PIK3C2G: variants seen among roughly 807,000 people sequenced by gnomAD.
PIK3C2G encodes the protein phosphatidylinositol-4-phosphate 3-kinase catalytic subunit type 2 gamma.
PIK3C2G carries 168 observed loss-of-function variants against 181.1 expected under a neutral mutation model. The ratio of observed to expected loss-of-function variants is 0.93; its 90% CI spans 0.82 to 1.05. PIK3C2G has a LOEUF of 1.05. Among genes scored for constraint, PIK3C2G ranks in the 50% least tolerant of loss-of-function variants. PIK3C2G has a pLI of 0.00. For synonymous variants in PIK3C2G, 573 were observed against 592.2 expected (o/e 0.97, Z 0.47); for missense variants, 1,869 against 1,732.8 (o/e 1.08, Z -1.40).
intron 24 of PIK3C2G, among the ~76,000 whole-genome samples, chr12:18,510,685 A>G (rs925899212): frequency 3.3e-5 from 5 of 152,108 alleles, no homozygotes; most frequent in African/African-American, 7.2e-5. Context: ...GAGACAGACT[A>G]TGTGTTTTTG....
chr12:18,364,353 T>A (rs1941486861), intron 12 of PIK3C2G, among the ~76,000 whole-genome samples: 1 of 152,186 alleles, frequency 6.6e-6, no homozygotes, highest in African/African-American at 2.4e-5. Flanking sequence ...ATCTTTTACC[T>A]CCTGTATAAA....
chr12:18,571,672 T>C (rs1945949801), intron 29 of PIK3C2G, among the ~76,000 whole-genome samples: 1 of 150,982 alleles, frequency 6.6e-6, no homozygotes, highest in Non-Finnish European at 1.5e-5. Flanking sequence ...CCAAGCCAGC[T>C]TTATTTTGGC....
At chr12:18,620,432 T>TA (rs1414627729) in intron 31 of PIK3C2G, among the ~76,000 whole-genome samples, 2 of 152,144 alleles carry the variant, frequency 1.3e-5, no homozygotes, top group Non-Finnish European at 2.9e-5. Context: ...TAGCATGGTA[T>TA]AGCTTTTCTA....
At chr12:18,391,692 T>C (rs1943542093) in intron 15 of PIK3C2G, among the ~76,000 whole-genome samples, 1 of 151,994 alleles carries the variant, frequency 6.6e-6, no homozygotes, top group South Asian at 2.1e-4. Flanking sequence ...GACTAAGGAG[T>C]ACTTTGTAAA....
At chr12:18,431,914 A>G (rs1234727575) in intron 18 of PIK3C2G, among the ~76,000 whole-genome samples, 1 of 152,152 alleles carries the variant, frequency 6.6e-6, no homozygotes. Flanking sequence ...CTTAAACCAA[A>G]AGCAACTGTT....
chr12:18,336,227 T>G (rs901627658), intron 8 of PIK3C2G, among the ~76,000 whole-genome samples: 1 of 152,118 alleles, frequency 6.6e-6, no homozygotes, highest in Non-Finnish European at 1.5e-5. Flanking sequence ...TTACAGAAAC[T>G]TATTTATTGT....
intron 1 of PIK3C2G, among the ~76,000 whole-genome samples, chr12:18,255,293 TA>T (rs1477652276): frequency 2.6e-5 from 4 of 151,150 alleles, no homozygotes; most frequent in African/African-American, 9.7e-5. Context: ...AAAAAAGAAA[TA>T]GTTTGAGTCT....
chr12:18,280,152 C>G (rs1010818769), intron 1 of PIK3C2G, among the ~76,000 whole-genome samples: 1 of 151,864 alleles, frequency 6.6e-6, no homozygotes, highest in African/African-American at 2.4e-5. Context: ...CATTTTTCTC[C>G]TAACTAAAGT....
intron 32 of PIK3C2G, among the ~76,000 whole-genome samples, chr12:18,644,089 A>C (rs1949989632): frequency 6.6e-6 from 1 of 152,106 alleles, no homozygotes; most frequent in Non-Finnish European, 1.5e-5. Context: ...AAAGTGACAG[A>C]GTCTCCACCC....
chr12:18,647,910 A>G lies in PIK3C2G; in HGVS notation c.4343A>G (p.His1448Arg). ...VYDEVTELQG[H>R]VLMLIVKSKT... The stretch of plus-strand genomic sequence containing the variant: ...GATGAAGTCACAGAGCTCCAAGGAC[A>G]TGTCTTAATGCTTATTGTGAAGAGT... Residue 1448 changes from histidine (H) to arginine (R), a missense_variant, in exon 33 of 33, where the codon CAT (histidine) becomes CGT (arginine). By Grantham distance (29) the His-to-Arg change is conservative (BLOSUM62 0). Coordinates refer to ENST00000538779, the MANE Select transcript of PIK3C2G (RefSeq NM_001288772.2). The G allele has an allele frequency of 6.3e-7, 1 of 1,590,552 alleles. No individual in the cohort carries two copies. Among genetic ancestry groups the G allele is most frequent in the Non-Finnish European group, 8.6e-7 (1 of 1,166,132 alleles).
chr12:18,427,390 T>G (rs1592232761), intron 18 of PIK3C2G, among the ~76,000 whole-genome samples: 1 of 149,918 alleles, frequency 6.7e-6, no homozygotes, highest in Non-Finnish European at 1.5e-5. Context: ...GCCTGTAATC[T>G]CAGCTACTCA....
Position 18,393,532 on chromosome 12 carries a change from G to GA in PIK3C2G, c.2126+2289dup, listed in dbSNP as rs200334101. ...GTGATATTTGTAAAAAATAAAAATT[G>GA]AAAAAAAAACTTCTTGATGTCAACC... On this transcript the variant is annotated intron_variant, in intron 15 of 32. Coordinates refer to ENST00000538779, the MANE Select transcript of PIK3C2G (RefSeq NM_001288772.2). 3.8e-3 allele frequency among the ~76,000 whole-genome samples: 573 copies of GA among 149,834 alleles called. 2 individuals carry two copies. The highest frequency in any genetic ancestry group is 0.012 in the African/African-American group (488 of 40,892).
the PIK3C2G span, among the ~76,000 whole-genome samples, chr12:18,703,717 A>G: frequency 1.2e-4 from 19 of 152,208 alleles, no homozygotes; most frequent in Non-Finnish European, 1.5e-5. Flanking sequence ...TTTTGCCTGT[A>G]TAAAACAATT....
chr12:18,630,081 C>A (rs748598397), intron 31 of PIK3C2G, among the ~76,000 whole-genome samples: 3 of 151,938 alleles, frequency 2.0e-5, no homozygotes, highest in Admixed American at 6.6e-5. Context: ...AAGAAAGGAA[C>A]ATTATGAAGG....
the PIK3C2G span, among the ~76,000 whole-genome samples, chr12:18,664,017 T>C: frequency 1.3e-5 from 2 of 152,122 alleles, no homozygotes; most frequent in Non-Finnish European, 1.5e-5. Flanking sequence ...TCACTAATCA[T>C]TGAAAATGCA....
intron 5 of PIK3C2G, among the ~76,000 whole-genome samples, chr12:18,295,802 A>T (rs964352566): frequency 6.6e-6 from 1 of 151,980 alleles, no homozygotes; most frequent in African/African-American, 2.4e-5. Context: ...GACAGAACTT[A>T]TTTTAATGTG....
intron 23 of PIK3C2G, among the ~76,000 whole-genome samples, chr12:18,503,806 T>C (rs1941656321): frequency 6.6e-6 from 1 of 152,244 alleles, no homozygotes; most frequent in Non-Finnish European, 1.5e-5. Flanking sequence ...ATTTTCTTAA[T>C]GGTTTGCAAA....
At chr12:18,248,876 C>T (rs535058970) in intron 1 of PIK3C2G, among the ~76,000 whole-genome samples, 2 of 152,174 alleles carry the variant, frequency 1.3e-5, no homozygotes, top group South Asian at 4.1e-4. Context: ...TGTACTACTT[C>T]CAGGCATGAT....
At chr12:18,390,514 G>GA (rs1943467110) in intron 14 of PIK3C2G, among the ~76,000 whole-genome samples, 1 of 151,556 alleles carries the variant, frequency 6.6e-6, no homozygotes, top group Admixed American at 6.6e-5. Context: ...GACTGAGCCA[G>GA]AAAAAAAAGG....
Sources: gnomAD v4.1 joint callset for allele counts (sites outside exome capture counted in the v4.1 genomes callset) on GRCh38, gnomAD v4.1.1 for gene constraint, MANE v1.5 for transcripts, NCBI Gene and HGNC (gene_info 2026-07-23, HGNC 2026-07-21) for gene names.